The following ZFYVE16 variants were observed in gnomAD, a reference collection of about 807,000 sequenced individuals.
The protein encoded by ZFYVE16 is zinc finger FYVE-type containing 16.
ZFYVE16 carries 89 observed loss-of-function variants against 138.1 expected under a neutral mutation model. That is an observed-to-expected ratio of 0.64 (90% CI 0.54 to 0.77). The LOEUF is 0.77. Among genes scored for constraint, ZFYVE16 ranks in the 30% least tolerant of loss-of-function variants. ZFYVE16 has a pLI of 0.00. For synonymous variants in ZFYVE16, 596 were observed against 618.3 expected (o/e 0.96, Z 0.53); for missense variants, 1,793 against 1,786.7 (o/e 1.00, Z -0.06).
At chr5:80,435,703 G>C (rs1007347769) in intron 3 of ZFYVE16, 1 of 429,902 alleles carries the variant, frequency 2.3e-6, no homozygotes, top group Non-Finnish European at 4.6e-6. Context: ...TGAGTAGCTG[G>C]GACCACAAGT....
At chr5:80,469,342 A>C (rs941758819) in intron 15 of ZFYVE16, among the ~76,000 whole-genome samples, 2 of 151,808 alleles carry the variant, frequency 1.3e-5, no homozygotes, top group Non-Finnish European at 2.9e-5. Context: ...TCTGGGCTCA[A>C]GTGATCCTCC....
In ZFYVE16 at chr5:80,437,495, A is replaced by G. The variant is rs751707575; in HGVS notation, c.810A>G (p.Gly270=). Residue 270 remains glycine, a synonymous_variant, in exon 4 of 19, where the codon GGA becomes GGG. Coordinates refer to ENST00000505560, the MANE Select transcript of ZFYVE16 (RefSeq NM_001284236.3). ...DKLQHKSQPC[G]LLKDVGLVKE... is the part of the protein sequence containing the mutation. ...TACAACACAAGAGCCAGCCATGTGG[A>G]TTACTAAAAGATGTTGGCTTAGTAA... 5 of 1,611,360 alleles carry G rather than the reference A, an allele frequency of 3.1e-6. No homozygotes were observed. The highest frequency in any genetic ancestry group is 4.2e-6 in the Non-Finnish European group (5 of 1,179,226).
At chr5:80,474,630 T>G in intron 17 of ZFYVE16, 33 bp from the exon 18 acceptor site, 1 of 1,569,798 alleles carries the variant, frequency 6.4e-7, no homozygotes. Context: ...TTACTTTTAA[T>G]CATGACTTGT....
Position 80,443,121 on chromosome 5 carries a change from AGC to A in ZFYVE16, c.2420-1_2420del. On this transcript the variant is annotated splice_acceptor_variant and coding_sequence_variant, in exon 6 of 19. Coordinates refer to ENST00000505560, the MANE Select transcript of ZFYVE16 (RefSeq NM_001284236.3). LOFTEE classifies it high-confidence loss of function. ...TTAACACTATTGTTTTCCCCTTTATAGCTCAGGCATTTGAAAGGATGATGAGT... is the reference window on the plus strand; with the variant it reads ...TTAACACTATTGTTTTCCCCTTTATATCAGGCATTTGAAAGGATGATGAGT... 1 of 1,535,960 alleles carries A rather than the reference AGC, an allele frequency of 6.5e-7. No individual in the cohort carries two copies. Among genetic ancestry groups the A allele is most frequent in the Non-Finnish European group, 8.7e-7 (1 of 1,153,564 alleles).
At position 80,438,986 on chromosome 5, in the gene ZFYVE16, C is replaced by T. The variant is rs761651771; in HGVS notation, c.2301C>T (p.His767=). The change falls in exon 4 of 19, where the codon CAC becomes CAT. Residue 767 remains histidine (H), a synonymous_variant. Transcript: ENST00000505560. Reference sequence around the variant, plus strand: ...AATTTACTTTTACCAAACGGCGACACCATTGCCGAGCATGTGGGAAAGTAA... The same window carrying T: ...AATTTACTTTTACCAAACGGCGACATCATTGCCGAGCATGTGGGAAAGTAA... ...QVKFTFTKRR[H]HCRACGKVFC... 1.2e-6 allele frequency: 2 copies of T among 1,608,118 alleles called. No individual in the cohort carries two copies. The highest frequency in any genetic ancestry group is 8.5e-7 in the Non-Finnish European group (1 of 1,176,814).
intron 1 of ZFYVE16, among the ~76,000 whole-genome samples, chr5:80,419,809 T>G (rs935681759): frequency 1.8e-5 from 2 of 111,264 alleles, no homozygotes; most frequent in Non-Finnish European, 4.3e-5. Flanking sequence ...TTGGTTTTTT[T>G]TTGTTTTGTT....
At chr5:80,422,187 A>T (rs1747308124) in intron 1 of ZFYVE16, among the ~76,000 whole-genome samples, 1 of 152,116 alleles carries the variant, frequency 6.6e-6, no homozygotes. Flanking sequence ...CAGCTTAAGG[A>T]GATTTTGGGC....
rs753861628 is a variant in ZFYVE16, at chr5:80,437,581, C to T, written c.896C>T (p.Thr299Ile). Reference sequence around the variant, plus strand: ...GAATGTTTAAAAGAAGAGGGCAAGACAAGTGCTTTGACCTGCAGCCTTCCG... The same window carrying T: ...GAATGTTTAAAAGAAGAGGGCAAGATAAGTGCTTTGACCTGCAGCCTTCCG... The part of the protein sequence containing the change: ...AAECLKEEGK[T>I]SALTCSLPKN... The change falls in exon 4 of 19, where the codon ACA becomes ATA. Residue 299 changes from threonine (T) to isoleucine (I), a missense_variant. By Grantham distance (89) the Thr-to-Ile change is moderately conservative (BLOSUM62 -1). This residue lies in a region of ZFYVE16 where 1,295 missense variants were observed against 1,204.3 expected (regional missense o/e 1.08). Transcript: ENST00000505560. 1 of 1,614,024 alleles carries T rather than the reference C, an allele frequency of 6.2e-7. No homozygotes were observed. The highest frequency in any genetic ancestry group is 1.1e-5 in the South Asian group (1 of 91,062).
chr5:80,431,322 A>G (rs1449147448), intron 2 of ZFYVE16, among the ~76,000 whole-genome samples: 2 of 152,214 alleles, frequency 1.3e-5, no homozygotes, highest in Admixed American at 6.5e-5. Flanking sequence ...ATATAAACAG[A>G]ACCAAAGACA....
At chr5:80,461,573 A>G (rs1753115762) in intron 15 of ZFYVE16, among the ~76,000 whole-genome samples, 1 of 152,226 alleles carries the variant, frequency 6.6e-6, no homozygotes, top group African/African-American at 2.4e-5. Context: ...GTCCAAGATC[A>G]AGGTGCCAAC....
At chr5:80,440,843 C>T in intron 5 of ZFYVE16, 4 of 985,082 alleles carry the variant, frequency 4.1e-6, no homozygotes, top group Non-Finnish European at 4.8e-6. Flanking sequence ...GGCACTGCTT[C>T]CTGTTAGCCA....
intron 3 of ZFYVE16, among the ~76,000 whole-genome samples, chr5:80,436,252 C>T (rs376585209): frequency 2.0e-5 from 3 of 152,124 alleles, no homozygotes; most frequent in Non-Finnish European, 4.4e-5. Context: ...CAATTGGCAA[C>T]CTCAATTAGA....
chr5:80,445,310 T>C lies in ZFYVE16; in HGVS notation c.2629T>C (p.Leu877=). 2.5e-6 allele frequency: 4 copies of C among 1,614,062 alleles called. No homozygotes were observed. The highest frequency in any genetic ancestry group is 3.4e-6 in the Non-Finnish European group (4 of 1,179,968). ...GAGAGTATGGTTTGCAGATGGTATA[T>C]TGCCCAATGGTGAAGTTGCAGATAC... ...QKRVWFADGI[L]PNGEVADTTK... Residue 877 remains leucine, a synonymous_variant, in exon 7 of 19, where the codon TTG becomes CTG. Coordinates refer to ENST00000505560, the MANE Select transcript of ZFYVE16 (RefSeq NM_001284236.3).
chr5:80,414,519 CA>C lies in ZFYVE16; in HGVS notation c.-94+6367del, dbSNP rs1177180975. ...TATTTTGGGTTCTTGCATGGTCAAC[CA>C]TTTTTTTATTTAACCCTCACATTTA... On this transcript the variant is annotated intron_variant, in intron 1 of 18. Coordinates refer to ENST00000505560, the MANE Select transcript of ZFYVE16 (RefSeq NM_001284236.3). Among the ~76,000 whole-genome samples, 4 of 152,266 alleles carry C rather than the reference CA, an allele frequency of 2.6e-5. No individual in the cohort carries two copies. In the East Asian group the frequency reaches 7.7e-4, roughly 29 times the overall value.
At chr5:80,459,181 G>A (rs1281125232) in intron 14 of ZFYVE16, among the ~76,000 whole-genome samples, 1 of 152,142 alleles carries the variant, frequency 6.6e-6, no homozygotes, top group East Asian at 1.9e-4. Flanking sequence ...GCCCTTTTCG[G>A]CCTCCCAAAG....
intron 17 of ZFYVE16, 93 bp downstream of exon 17, chr5:80,473,952 C>A: frequency 1.1e-6 from 1 of 874,560 alleles, no homozygotes; most frequent in Non-Finnish European, 1.8e-6. Flanking sequence ...AATATTTATG[C>A]ATAGCTTATT....
At chr5:80,472,178 CCT>C in intron 15 of ZFYVE16, among the ~76,000 whole-genome samples, 1 of 152,134 alleles carries the variant, frequency 6.6e-6, no homozygotes, top group Admixed American at 6.5e-5. Context: ...CTAGTGCCCC[CCT>C]CTTAAGTGTC....
chr5:80,432,790 C>T (rs1193467724), intron 2 of ZFYVE16, among the ~76,000 whole-genome samples: 1 of 152,138 alleles, frequency 6.6e-6, no homozygotes, highest in Non-Finnish European at 1.5e-5. Flanking sequence ...AGGATATGAA[C>T]AGACACTTCT....
At chr5:80,440,478 G>A in intron 5 of ZFYVE16, 1 of 985,320 alleles carries the variant, frequency 1.0e-6, no homozygotes, top group Non-Finnish European at 1.2e-6. Context: ...AAGATAAGGT[G>A]GTAATATTTA....
Sources: allele counts gnomAD v4.1 joint callset (sites outside exome capture counted in the v4.1 genomes callset), GRCh38; gene constraint gnomAD v4.1.1; regional missense constraint gnomAD v4.1.1; transcripts MANE v1.5; gene names NCBI Gene and HGNC (gene_info 2026-07-23, HGNC 2026-07-21).